Variants in TERF2IP observed in about 807,000 individuals in gnomAD.
The protein encoded by TERF2IP is telomeric repeat-binding factor 2-interacting protein 1.
Under a neutral mutation model 33.3 loss-of-function variants are expected in TERF2IP, and 35 were observed. The ratio of observed to expected loss-of-function variants is 1.05; its 90% CI spans 0.80 to 1.39. The LOEUF is 1.39. Ranked by LOEUF, TERF2IP falls within the 40% of genes most tolerant of loss-of-function variation. The pLI is 0.00. For synonymous variants in TERF2IP, 253 were observed against 223.2 expected (o/e 1.13, Z -1.19); for missense variants, 583 against 524.8 (o/e 1.11, Z -1.08).
chr16:75,654,148 TAAAAAA>T (rs34359798), intron 1 of TERF2IP, 119 bp from the exon 2 acceptor site: 1,048 of 289,892 alleles, frequency 3.6e-3, no homozygotes, highest in Middle Eastern at 6.1e-3. Context: ...CTTCTGATAG[TAAAAAA>T]AAAAAAAAAA....
chr16:75,654,602 T>G (rs182284828), intron 2 of TERF2IP, among the ~76,000 whole-genome samples: 1 of 152,306 alleles, frequency 6.6e-6, no homozygotes, highest in Non-Finnish European at 1.5e-5. Context: ...TTTTAGTTTT[T>G]GGCAGGACAA....
At chr16:75,653,422 AT>A (rs1299822662) in intron 1 of TERF2IP, among the ~76,000 whole-genome samples, 1 of 152,050 alleles carries the variant, frequency 6.6e-6, no homozygotes, top group Non-Finnish European at 1.5e-5. Context: ...ACATAGGTAA[AT>A]TTTTGTAACC....
chr16:75,649,548 A>G (rs968534645), intron 1 of TERF2IP, among the ~76,000 whole-genome samples: 6 of 151,930 alleles, frequency 3.9e-5, no homozygotes, highest in Non-Finnish European at 7.4e-5. Context: ...CATCTCAAAA[A>G]AAAAAAAAAA....
chr16:75,654,548 C>G, intron 2 of TERF2IP, 151 bp downstream of exon 2: 1 of 860,012 alleles, frequency 1.2e-6, no homozygotes, highest in South Asian at 2.0e-5. Context: ...TGGGACTGAT[C>G]TGGGCTTCAG....
At position 75,648,135 on chromosome 16, in the gene TERF2IP, C is replaced by T. The variant is rs1292241884; in HGVS notation, c.253C>T (p.Leu85=). ...SGDFISTQYI[L]DCVERNERLE... ...TGATTTCATCTCCACGCAGTACATC[C>T]TGGACTGCGTGGAGCGCAACGAGAG... is the stretch of plus-strand genomic sequence containing the variant. Residue 85 remains leucine, a synonymous_variant, in exon 1 of 3, where the codon CTG becomes TTG. Coordinates refer to ENST00000300086, the MANE Select transcript of TERF2IP (RefSeq NM_018975.4). The T allele has an allele frequency of 1.9e-6, 3 of 1,563,908 alleles. No homozygotes were observed. In the Admixed American group the frequency reaches 5.8e-5, roughly 30 times the overall value.
rs140544436 is a variant in TERF2IP, at chr16:75,654,946, C to T, written c.795+549C>T. On this transcript the variant is annotated intron_variant, in intron 2 of 2. Coordinates refer to ENST00000300086, the MANE Select transcript of TERF2IP (RefSeq NM_018975.4). ...GGTTTCACTGTGTTAGCCAGGATGGCCTCGATCTCCTGACCTCGTGATCCG... is the reference window on the plus strand; with the variant it reads ...GGTTTCACTGTGTTAGCCAGGATGGTCTCGATCTCCTGACCTCGTGATCCG... Among the ~76,000 whole-genome samples, 1,491 of 152,176 alleles carry T rather than the reference C, an allele frequency of 9.8e-3. 33 individuals carry two copies. The highest frequency in any genetic ancestry group is 0.03 in the African/African-American group (1,264 of 41,492).
At chr16:75,650,880 G>A (rs2082342268) in intron 1 of TERF2IP, among the ~76,000 whole-genome samples, 1 of 152,096 alleles carries the variant, frequency 6.6e-6, no homozygotes, top group South Asian at 2.1e-4. Flanking sequence ...CTATTGGCAA[G>A]CCATTTGGAA....
Position 75,656,516 on chromosome 16 carries a change from G to C in TERF2IP, c.1105G>C (p.Asp369His). 9 of 1,614,148 alleles carry C rather than the reference G, an allele frequency of 5.6e-6. No homozygotes were observed. Among genetic ancestry groups the C allele is most frequent in the Non-Finnish European group, 7.6e-6 (9 of 1,180,020 alleles). The change falls in exon 3 of 3, where the codon GAT becomes CAT. Residue 369 changes from aspartate (D) to histidine (H), a missense_variant. Coordinates refer to ENST00000300086, the MANE Select transcript of TERF2IP (RefSeq NM_018975.4). The stretch of plus-strand genomic sequence containing the variant: ...CATTTGGTCCCGACAAGATGACATA[G>C]ATTTGCAAAAAGATGATGAGGATAC... ...YPIWSRQDDI[D>H]LQKDDEDTRE...
At chr16:75,654,542 A>G (rs2082370653) in intron 2 of TERF2IP, 145 bp downstream of exon 2, 5 of 889,236 alleles carry the variant, frequency 5.6e-6, no homozygotes, top group Non-Finnish European at 8.1e-6. Context: ...GGAAAATGGG[A>G]CTGATCTGGG....
chr16:75,652,057 C>G (rs914388740), intron 1 of TERF2IP, among the ~76,000 whole-genome samples: 2 of 152,118 alleles, frequency 1.3e-5, no homozygotes, highest in Admixed American at 1.3e-4. Flanking sequence ...ACATTTATAA[C>G]GTATATTCCC....
chr16:75,650,152 G>A (rs79397477), intron 1 of TERF2IP, among the ~76,000 whole-genome samples: 1 of 152,168 alleles, frequency 6.6e-6, no homozygotes, highest in African/African-American at 2.4e-5. Flanking sequence ...AAGTCCCTGT[G>A]GTCCTGGAGC....
Position 75,657,372 on chromosome 16 carries a change from G to T in TERF2IP, c.*761G>T, listed in dbSNP as rs1165917607. 1 of 152,128 alleles carries T rather than the reference G, an allele frequency of 6.6e-6. No homozygotes were observed. The highest frequency in any genetic ancestry group is 1.5e-5 in the Non-Finnish European group (1 of 68,020). 9.4% of individuals were successfully genotyped at this position (152,128 alleles called of 1,614,324 possible). A position where few individuals can be genotyped will look rare whatever the true frequency, so the allele number is the denominator to read the frequency against. ...TTGTGTTAGATTTAAAAAATTAGTG[G>T]ATTGACTCCACTTTGTTGTGTTGTT... On this transcript the variant is annotated 3_prime_UTR_variant, in exon 3 of 3. Coordinates refer to ENST00000300086, the MANE Select transcript of TERF2IP (RefSeq NM_018975.4).
rs1268801913 is a variant in TERF2IP, at chr16:75,656,254, T to C, written c.843T>C (p.Asp281=). 1 of 1,613,966 alleles carries C rather than the reference T, an allele frequency of 6.2e-7. No homozygotes were observed. Among genetic ancestry groups the C allele is most frequent in the Admixed American group, 1.7e-5 (1 of 59,970 alleles). ...PDFEIHITMC[D]DDPPTPEEDS... is the part of the protein sequence containing the mutation. The stretch of plus-strand genomic sequence containing the variant: ...TTGAAATACATATAACTATGTGTGA[T>C]GATGATCCACCCACACCTGAGGAAG... Residue 281 remains aspartate (D), a synonymous_variant, in exon 3 of 3, where the codon GAT becomes GAC. Transcript: ENST00000300086.
At chr16:75,650,108 C>T (rs991050293) in intron 1 of TERF2IP, among the ~76,000 whole-genome samples, 1 of 152,204 alleles carries the variant, frequency 6.6e-6, no homozygotes, top group Non-Finnish European at 1.5e-5. Flanking sequence ...GAGTGCCAGA[C>T]ATTGTGGTCC....
Position 75,656,288 on chromosome 16 carries a change from A to T in TERF2IP, c.877A>T (p.Thr293Ser). The T allele has an allele frequency of 1.2e-6, 2 of 1,614,210 alleles. No homozygotes were observed. The highest frequency in any genetic ancestry group is 8.5e-7 in the Non-Finnish European group (1 of 1,180,044). The part of the protein sequence containing the change: ...DPPTPEEDSE[T>S]QPDEEEEEEE... ...ACCCACACCTGAGGAAGACTCAGAA[A>T]CACAGCCTGATGAGGAGGAAGAAGA... The change falls in exon 3 of 3, where the codon ACA (threonine) becomes TCA (serine). Residue 293 changes from threonine to serine, a missense_variant. Transcript: ENST00000300086.
At position 75,648,541 on chromosome 16, in the gene TERF2IP, C is replaced by T. The variant is rs1345270447; in HGVS notation, c.659C>T (p.Ala220Val). 4 of 1,558,678 alleles carry T rather than the reference C, an allele frequency of 2.6e-6. No individual in the cohort carries two copies. The highest frequency in any genetic ancestry group is 2.3e-5 in the East Asian group (1 of 43,248). Residue 220 changes from alanine to valine, a missense_variant, in exon 1 of 3, where the codon GCG becomes GTG. Ala to Val is a moderately conservative substitution (Grantham distance 64). Transcript: ENST00000300086. ...AAGGCGGAGGAGGACCCGGAGGCCG[C>T]GGATAGCGGGGGTGAGGAGGCTGAG... is the stretch of plus-strand genomic sequence containing the variant. ...KRKAEEDPEA[A>V]DSGEPQNKRT...
At position 75,656,264 on chromosome 16, in the gene TERF2IP, C is replaced by G. The variant is rs756850727; in HGVS notation, c.853C>G (p.Pro285Ala). The G allele has an allele frequency of 6.2e-7, 1 of 1,613,938 alleles. No individual in the cohort carries two copies. The highest frequency in any genetic ancestry group is 1.1e-5 in the South Asian group (1 of 91,060). Residue 285 changes from proline (P) to alanine (A), a missense_variant, in exon 3 of 3, where the codon CCC becomes GCC. Coordinates refer to ENST00000300086, the MANE Select transcript of TERF2IP (RefSeq NM_018975.4). ...IHITMCDDDP[P>A]TPEEDSETQP... ...TATAACTATGTGTGATGATGATCCA[C>G]CCACACCTGAGGAAGACTCAGAAAC...
Position 75,656,920 on chromosome 16 carries a change from A to G in TERF2IP, c.*309A>G. 3.9e-6 allele frequency: 1 copy of G among 255,480 alleles called. No individual in the cohort carries two copies. Among genetic ancestry groups the G allele is most frequent in the Non-Finnish European group, 7.4e-6 (1 of 134,584 alleles). The allele number at this position is 255,480 out of a possible 1,614,324, so 15.8% of individuals were successfully genotyped here. A position where few individuals can be genotyped will look rare whatever the true frequency, so the allele number is the denominator to read the frequency against. ...CCATTGTTGGAATGGAACCCTTGCTATAGTAGTGACAAAGTGAAAGGAAAT... is the reference window on the plus strand; with the variant it reads ...CCATTGTTGGAATGGAACCCTTGCTGTAGTAGTGACAAAGTGAAAGGAAAT... On this transcript the variant is annotated 3_prime_UTR_variant, in exon 3 of 3. Coordinates refer to ENST00000300086, the MANE Select transcript of TERF2IP (RefSeq NM_018975.4).
intron 2 of TERF2IP, among the ~76,000 whole-genome samples, chr16:75,654,993 G>T (rs1278453787): frequency 6.6e-6 from 1 of 151,656 alleles, no homozygotes; most frequent in Non-Finnish European, 1.5e-5. Flanking sequence ...CTCCCAAAGT[G>T]CTGGGATTAC....
Sources: gnomAD v4.1 joint callset for allele counts (sites outside exome capture counted in the v4.1 genomes callset) on GRCh38, gnomAD v4.1.1 for gene constraint, MANE v1.5 for transcripts, NCBI Gene and HGNC (gene_info 2026-07-23, HGNC 2026-07-21) for gene names.